CADM2: variants seen among roughly 807,000 people sequenced by gnomAD.
CADM2 encodes the protein cell adhesion molecule 2, also known as immunoglobulin superfamily member 4D.
Under a neutral mutation model 49.8 loss-of-function variants are expected in CADM2, and 12 were observed. The ratio of observed to expected loss-of-function variants is 0.24; its 90% CI spans 0.15 to 0.39. The LOEUF is 0.39. Among genes scored for constraint, CADM2 ranks in the 10% least tolerant of loss-of-function variants. The pLI, the probability that CADM2 is intolerant of heterozygous loss-of-function variation, is 1.00. For missense variants in CADM2, 378 were observed against 492.3 expected (o/e 0.77, Z 2.20); for synonymous variants, 214 against 175.4 (o/e 1.22, Z -1.74).
chr3:85,887,950 A>G (rs1713897338), intron 5 of CADM2, among the ~76,000 whole-genome samples: 1 of 152,210 alleles, frequency 6.6e-6, no homozygotes, highest in Non-Finnish European at 1.5e-5. Context: ...TGCTTTCTGT[A>G]GCCTGTAAGA....
At chr3:85,123,151 C>T (rs1432062971) in intron 1 of CADM2, among the ~76,000 whole-genome samples, 1 of 151,776 alleles carries the variant, frequency 6.6e-6, no homozygotes, top group Non-Finnish European at 1.5e-5. Flanking sequence ...TTTTTCTTTT[C>T]CTCCTAGAAA....
At chr3:85,042,215 G>A (rs777737119) in intron 1 of CADM2, among the ~76,000 whole-genome samples, 9 of 152,082 alleles carry the variant, frequency 5.9e-5, no homozygotes, top group Non-Finnish European at 1.3e-4. Flanking sequence ...GAGAGTGAGC[G>A]CCCATTAATT....
chr3:85,328,027 T>G (rs950943279), intron 1 of CADM2, among the ~76,000 whole-genome samples: 13 of 152,326 alleles, frequency 8.5e-5, no homozygotes, highest in African/African-American at 2.9e-4. Context: ...GTCGAAATAC[T>G]TCTTTCCTTA....
At chr3:85,738,761 A>G (rs923025543) in intron 2 of CADM2, among the ~76,000 whole-genome samples, 1 of 152,192 alleles carries the variant, frequency 6.6e-6, no homozygotes, top group Non-Finnish European at 1.5e-5. Context: ...AACCCACAGC[A>G]TAGTAAGAGA....
intron 3 of CADM2, among the ~76,000 whole-genome samples, chr3:85,874,869 G>T (rs562472463): frequency 6.6e-6 from 1 of 152,176 alleles, no homozygotes; most frequent in Admixed American, 6.5e-5. Context: ...GAATTTTGTA[G>T]TTAATTAATT....
At chr3:85,376,869 C>T (rs899023225) in intron 1 of CADM2, among the ~76,000 whole-genome samples, 5 of 151,964 alleles carry the variant, frequency 3.3e-5, no homozygotes, top group African/African-American at 4.8e-5. Flanking sequence ...AGAAAGATAA[C>T]GGTTTTCAAT....
intron 1 of CADM2, among the ~76,000 whole-genome samples, chr3:85,690,379 CAG>C (rs2066345613): frequency 6.6e-6 from 1 of 151,868 alleles, no homozygotes; most frequent in African/African-American, 2.4e-5. Context: ...ATGTAGTTAA[CAG>C]AGTTCTGGCA....
chr3:85,266,895 C>G (rs1417146617), intron 1 of CADM2, among the ~76,000 whole-genome samples: 1 of 151,824 alleles, frequency 6.6e-6, no homozygotes, highest in Non-Finnish European at 1.5e-5. Flanking sequence ...TAACTAGCAG[C>G]TCTTCATCAG....
chr3:85,238,514 A>G (rs2042458993), intron 1 of CADM2, among the ~76,000 whole-genome samples: 1 of 151,902 alleles, frequency 6.6e-6, no homozygotes, highest in South Asian at 2.1e-4. Context: ...TTCCCTTGGG[A>G]TAATCTGTCT....
intron 1 of CADM2, among the ~76,000 whole-genome samples, chr3:85,348,667 A>G (rs1329586911): frequency 1.3e-5 from 2 of 152,220 alleles, no homozygotes; most frequent in East Asian, 3.8e-4. Flanking sequence ...AATTTGTATG[A>G]CAATGAGAGC....
chr3:85,230,009 A>T (rs1196593271), intron 1 of CADM2, among the ~76,000 whole-genome samples: 1 of 152,172 alleles, frequency 6.6e-6, no homozygotes, highest in Admixed American at 6.5e-5. Flanking sequence ...CTCAGGATAA[A>T]ATGTCCTTTC....
chr3:85,486,311 TAGAA>T (rs2039415117), intron 1 of CADM2, among the ~76,000 whole-genome samples: 1 of 74,854 alleles, frequency 1.3e-5, no homozygotes, highest in Non-Finnish European at 3.6e-5. Context: ...GGGGGAACAA[TAGAA>T]ATAGAAACAT....
At chr3:85,732,602 A>G (rs368318147) in intron 2 of CADM2, among the ~76,000 whole-genome samples, 1 of 152,182 alleles carries the variant, frequency 6.6e-6, no homozygotes, top group Admixed American at 6.5e-5. Flanking sequence ...GTTTATTAAG[A>G]TATATTACTG....
chr3:85,092,031 T>A (rs1486310756), intron 1 of CADM2, among the ~76,000 whole-genome samples: 1 of 152,172 alleles, frequency 6.6e-6, no homozygotes, highest in Non-Finnish European at 1.5e-5. Context: ...TTAAAGTAAA[T>A]TGTTTTTGTT....
rs79294891 is a variant in CADM2, at chr3:85,570,113, C to T, written c.62-156409C>T. ...TTGTGAATGTAGTTTATAGATTTGACAAATTAATTATCCTTATCCTAAGGA... is the reference window on the plus strand; with the variant it reads ...TTGTGAATGTAGTTTATAGATTTGATAAATTAATTATCCTTATCCTAAGGA... On this transcript the variant is annotated intron_variant, in intron 1 of 9. Transcript: ENST00000383699. 4.6e-3 allele frequency among the ~76,000 whole-genome samples: 702 copies of T among 152,160 alleles called. 8 individuals carry two copies. The highest frequency in any genetic ancestry group is 0.016 in the African/African-American group (678 of 41,512).
chr3:85,106,057 C>G (rs1453958841), intron 1 of CADM2, among the ~76,000 whole-genome samples: 3 of 151,888 alleles, frequency 2.0e-5, no homozygotes, highest in African/African-American at 4.8e-5. Flanking sequence ...AACAAACCTG[C>G]ACATTGTGCA....
intron 3 of CADM2, among the ~76,000 whole-genome samples, chr3:85,864,716 A>G (rs1451857415): frequency 6.6e-6 from 1 of 152,164 alleles, no homozygotes; most frequent in Non-Finnish European, 1.5e-5. Context: ...TTGTTTTATA[A>G]TTTCTTACTT....
intron 1 of CADM2, among the ~76,000 whole-genome samples, chr3:85,279,876 G>T (rs974089537): frequency 1.3e-5 from 2 of 151,268 alleles, no homozygotes; most frequent in Non-Finnish European, 3.0e-5. Context: ...CTTTTTAATT[G>T]GGTTATTAGT....
chr3:85,979,848 G>A lies in CADM2; in HGVS notation c.970+18201G>A, dbSNP rs1254935263. 2.0e-5 allele frequency among the ~76,000 whole-genome samples: 3 copies of A among 151,668 alleles called. No homozygotes were observed. In the East Asian group the frequency reaches 5.8e-4, roughly 30 times the overall value. ...AAGCTACTTATTCTACTAATAGAAT[G>A]TTCTAAAAGTAAATATCTGTTGTCT... On this transcript the variant is annotated intron_variant, in intron 8 of 9. Coordinates refer to ENST00000383699, the MANE Select transcript of CADM2 (RefSeq NM_001167675.2).
Sources: gnomAD v4.1 joint callset for allele counts (sites outside exome capture counted in the v4.1 genomes callset) on GRCh38, gnomAD v4.1.1 for gene constraint, MANE v1.5 for transcripts, NCBI Gene and HGNC (gene_info 2026-07-23, HGNC 2026-07-21) for gene names.